Variants in TNFRSF19 observed in about 807,000 individuals in gnomAD.
TNFRSF19 encodes the protein TNF receptor superfamily member 19, also known as tumor necrosis factor receptor superfamily member 19.
In TNFRSF19, 27 loss-of-function variants were observed where a neutral mutation model predicts 46.4. The observed-to-expected ratio is 0.58, with a 90% CI of 0.43 to 0.80. TNFRSF19 has a LOEUF of 0.80. TNFRSF19 is among the 30% of genes least tolerant of loss of function. TNFRSF19 has a pLI of 0.00. For synonymous variants in TNFRSF19, 204 were observed against 205.0 expected, an observed-to-expected ratio of 1.00 and a Z score of 0.04; for missense variants, 511 against 530.8, an observed-to-expected ratio of 0.96 and a Z score of 0.37.
chr13:23,571,827 AAACT>A (rs1877651403), intron 1 of TNFRSF19, among the ~76,000 whole-genome samples: 1 of 151,982 alleles, frequency 6.6e-6, no homozygotes, highest in African/African-American at 2.4e-5. Context: ...TGAAATATAA[AAACT>A]AAATACAATG....
intron 3 of TNFRSF19, among the ~76,000 whole-genome samples, chr13:23,606,915 T>C (rs887603585): frequency 4.6e-5 from 7 of 152,242 alleles, no homozygotes; most frequent in African/African-American, 1.7e-4. Context: ...CTTTTCATTG[T>C]TCCTTTTGCA....
chr13:23,627,191 C>T (rs965414035), intron 5 of TNFRSF19, among the ~76,000 whole-genome samples: 4 of 152,142 alleles, frequency 2.6e-5, no homozygotes, highest in African/African-American at 4.8e-5. Flanking sequence ...CATATGGTGG[C>T]ATCTCTGCCT....
intron 9 of TNFRSF19, chr13:23,669,629 G>C (rs1401863335): frequency 2.0e-6 from 2 of 985,130 alleles, no homozygotes; most frequent in Non-Finnish European, 2.4e-6. Context: ...TGTTGGTTGT[G>C]ACCTGAGACC....
chr13:23,658,319 T>C (rs1884115698), intron 5 of TNFRSF19, among the ~76,000 whole-genome samples: 1 of 152,162 alleles, frequency 6.6e-6, no homozygotes, highest in African/African-American at 2.4e-5. Context: ...AACTTGAAAT[T>C]CCAGTCAGTG....
chr13:23,659,156 C>G lies in TNFRSF19; in HGVS notation c.552C>G (p.Ala184=). ...GCGCTCTGGCCACCGTCCTGCTGGC[C>G]CTGCTCATCCTCTGTGTCATCTATT... is the stretch of plus-strand genomic sequence containing the variant. The part of the protein sequence containing the change: ...ICSALATVLL[A]LLILCVIYCK... The change falls in exon 6 of 10, where the codon GCC becomes GCG. Residue 184 remains alanine, a synonymous_variant. Coordinates refer to ENST00000248484, the MANE Select transcript of TNFRSF19 (RefSeq NM_148957.4). The surrounding 1 kb of genome is among the most constrained non-coding windows in gnomAD (Gnocchi z 4.9). The G allele has an allele frequency of 1.2e-6, 2 of 1,614,154 alleles. No individual in the cohort carries two copies. The highest frequency in any genetic ancestry group is 1.7e-6 in the Non-Finnish European group (2 of 1,180,040).
chr13:23,631,312 T>C (rs929915319), intron 5 of TNFRSF19, among the ~76,000 whole-genome samples: 17 of 152,208 alleles, frequency 1.1e-4, no homozygotes, highest in African/African-American at 3.9e-4. Flanking sequence ...GGGTTTTCTT[T>C]TCAGTCTTTT....
intron 7 of TNFRSF19, among the ~76,000 whole-genome samples, chr13:23,664,839 A>C (rs1447312838): frequency 6.6e-6 from 1 of 152,196 alleles, no homozygotes; most frequent in Non-Finnish European, 1.5e-5. Flanking sequence ...ATGTGACTGC[A>C]CTGAATACTG....
At chr13:23,606,465 C>A (rs1880521437) in intron 3 of TNFRSF19, among the ~76,000 whole-genome samples, 1 of 152,144 alleles carries the variant, frequency 6.6e-6, no homozygotes, top group Non-Finnish European at 1.5e-5. Context: ...CAGTTGTATA[C>A]CATGTTACCA....
intron 3 of TNFRSF19, among the ~76,000 whole-genome samples, chr13:23,603,041 G>T (rs1880273461): frequency 6.6e-6 from 1 of 151,968 alleles, no homozygotes; most frequent in Non-Finnish European, 1.5e-5. Flanking sequence ...TCTGGAGAGA[G>T]TGAAGAATCA....
intron 1 of TNFRSF19, among the ~76,000 whole-genome samples, chr13:23,571,245 T>C (rs926760320): frequency 3.9e-5 from 6 of 152,222 alleles, no homozygotes; most frequent in Admixed American, 2.6e-4. Flanking sequence ...TTGTTGAAAA[T>C]GCTTTCTTTG....
intron 5 of TNFRSF19, among the ~76,000 whole-genome samples, chr13:23,643,131 TTCTC>T (rs1883122495): frequency 6.6e-6 from 1 of 152,242 alleles, no homozygotes; most frequent in African/African-American, 2.4e-5. Context: ...ATAAACTTAT[TTCTC>T]TCTCTGAGAG....
chr13:23,630,603 A>G (rs1464898694), intron 5 of TNFRSF19, among the ~76,000 whole-genome samples: 1 of 152,246 alleles, frequency 6.6e-6, no homozygotes, highest in Non-Finnish European at 1.5e-5. Flanking sequence ...CTGCAGATAA[A>G]TAAAAGACAC....
intron 1 of TNFRSF19, among the ~76,000 whole-genome samples, chr13:23,581,927 C>T (rs1255777388): frequency 6.6e-6 from 1 of 152,094 alleles, no homozygotes; most frequent in Non-Finnish European, 1.5e-5. Flanking sequence ...CTGAAAAAGG[C>T]CAACATGTTC....
intron 3 of TNFRSF19, among the ~76,000 whole-genome samples, chr13:23,613,233 C>T (rs1016135682): frequency 3.3e-5 from 5 of 152,162 alleles, no homozygotes; most frequent in Non-Finnish European, 7.3e-5. Context: ...AGGAAATGTG[C>T]ACTCCGTGCT....
chr13:23,604,660 A>G (rs550774486), intron 3 of TNFRSF19, among the ~76,000 whole-genome samples: 7 of 152,284 alleles, frequency 4.6e-5, no homozygotes, highest in Admixed American at 4.6e-4. Context: ...AGACAAACCA[A>G]TCAGTGGAAC....
intron 1 of TNFRSF19, among the ~76,000 whole-genome samples, chr13:23,583,674 A>G (rs887341306): frequency 3.3e-5 from 5 of 152,224 alleles, no homozygotes; most frequent in African/African-American, 1.2e-4. Context: ...AAACTGGGAA[A>G]TAATAGGGGC....
intron 3 of TNFRSF19, among the ~76,000 whole-genome samples, chr13:23,598,999 T>C (rs915339145): frequency 3.3e-5 from 5 of 152,240 alleles, no homozygotes; most frequent in African/African-American, 1.2e-4. Flanking sequence ...AAACAAAGAA[T>C]TATGCATTCT....
chr13:23,671,415 A>G (rs1951760247), intron 9 of TNFRSF19, among the ~76,000 whole-genome samples: 1 of 152,188 alleles, frequency 6.6e-6, no homozygotes, highest in South Asian at 2.1e-4. Context: ...TTAAAAAAGG[A>G]AGCGTTAAAA....
At chr13:23,588,453 G>T (rs1329622018) in intron 1 of TNFRSF19, among the ~76,000 whole-genome samples, 1 of 152,184 alleles carries the variant, frequency 6.6e-6, no homozygotes, top group Non-Finnish European at 1.5e-5. Flanking sequence ...GCCTTTTTCA[G>T]TAGTTAGTGT....
Sources: allele counts gnomAD v4.1 joint callset (sites outside exome capture counted in the v4.1 genomes callset), GRCh38; gene constraint gnomAD v4.1.1; non-coding constraint Gnocchi (gnomAD v3.1); transcripts MANE v1.5; gene names NCBI Gene and HGNC (gene_info 2026-07-23, HGNC 2026-07-21).